The following UIMC1 variants were observed in gnomAD, a reference collection of about 807,000 sequenced individuals.
UIMC1 encodes BRCA1-A complex subunit RAP80.
A neutral mutation model predicts 84.9 loss-of-function variants in UIMC1; 42 were observed. The observed-to-expected ratio is 0.49, with a 90% confidence interval of 0.39 to 0.64. The LOEUF is 0.64. UIMC1 is among the 30% of genes least tolerant of loss of function. The pLI, the probability that UIMC1 is intolerant of heterozygous loss-of-function variation, is 0.00. For synonymous variants in UIMC1, 281 were observed against 293.0 expected (o/e 0.96, Z 0.42); for missense variants, 825 against 847.6 (o/e 0.97, Z 0.33).
chr5:176,928,515 T>C (rs1055051465), intron 10 of UIMC1, among the ~76,000 whole-genome samples: 5 of 152,192 alleles, frequency 3.3e-5, no homozygotes, highest in Non-Finnish European at 7.3e-5. Context: ...CTTCTGTAAA[T>C]TAAAAGAGCC....
At chr5:176,940,588 C>A (rs897525858) in intron 10 of UIMC1, among the ~76,000 whole-genome samples, 10 of 151,702 alleles carry the variant, frequency 6.6e-5, no homozygotes, top group Non-Finnish European at 1.3e-4. Context: ...AAAAAAAAAA[C>A]AATCAGACTA....
At chr5:176,959,532 C>T (rs903538359) in intron 6 of UIMC1, among the ~76,000 whole-genome samples, 5 of 150,512 alleles carry the variant, frequency 3.3e-5, no homozygotes, top group African/African-American at 1.2e-4. Flanking sequence ...CCAGCTAAAA[C>T]GGTGAAACCC....
Position 176,947,484 on chromosome 5 carries a change from A to G in UIMC1, c.1443+3990T>C, listed in dbSNP as rs184381045. 4.7e-4 allele frequency among the ~76,000 whole-genome samples: 71 copies of G among 152,252 alleles called. 1 individual carries two copies. The highest frequency in any genetic ancestry group is 1.5e-3 in the African/African-American group (62 of 41,542). Reference sequence around the variant, plus strand: ...TACATTAGGTGTATCTCCTAATGCTATCCCTCCCCGCTCGCCTTCTACTTC... The same window carrying G: ...TACATTAGGTGTATCTCCTAATGCTGTCCCTCCCCGCTCGCCTTCTACTTC... On this transcript the variant is annotated intron_variant, in intron 9 of 14. Coordinates refer to ENST00000511320, the MANE Select transcript of UIMC1 (RefSeq NM_001199298.2).
chr5:176,947,742 C>T (rs1232713118), intron 9 of UIMC1, among the ~76,000 whole-genome samples: 2 of 151,430 alleles, frequency 1.3e-5, no homozygotes, highest in East Asian at 3.9e-4. Context: ...GATGTGAACC[C>T]GGGAGGTGGA....
intron 6 of UIMC1, among the ~76,000 whole-genome samples, chr5:176,958,822 T>C (rs1766937197): frequency 6.6e-6 from 1 of 152,254 alleles, no homozygotes; most frequent in Non-Finnish European, 1.5e-5. Flanking sequence ...TTTTCATTGA[T>C]TAATGGTAGA....
chr5:176,930,877 T>C (rs762988981), intron 10 of UIMC1, among the ~76,000 whole-genome samples: 3 of 152,230 alleles, frequency 2.0e-5, no homozygotes, highest in Non-Finnish European at 4.4e-5. Context: ...TTCTAGGTAA[T>C]TGAAAATCTG....
intron 2 of UIMC1, among the ~76,000 whole-genome samples, chr5:176,976,718 A>G (rs906231806): frequency 6.6e-6 from 1 of 152,294 alleles, no homozygotes; most frequent in Non-Finnish European, 1.5e-5. Context: ...AGACATGCCC[A>G]GAATGGGCAA....
intron 5 of UIMC1, 23 bp downstream of exon 5, chr5:176,969,578 G>A: frequency 6.2e-7 from 1 of 1,604,232 alleles, no homozygotes; most frequent in Non-Finnish European, 8.5e-7. Context: ...ATGAATGGAA[G>A]GAGTCAGAAC....
rs149923969 is a variant in UIMC1, at chr5:176,992,265, C to T, written c.-8-9642G>A. Among the ~76,000 whole-genome samples the T allele has an allele frequency of 6.2e-4, 95 of 152,116 alleles. 1 individual carries two copies. The East Asian group carries it at 0.017, about 27-fold the overall frequency. ...TAAAATTGGTTTTTTCTGTATCTTCCTTGGAAAAATTTTTATATTTTTTAT... is the reference window on the plus strand; with the variant it reads ...TAAAATTGGTTTTTTCTGTATCTTCTTTGGAAAAATTTTTATATTTTTTAT... On this transcript the variant is annotated intron_variant, in intron 1 of 14. Coordinates refer to ENST00000511320, the MANE Select transcript of UIMC1 (RefSeq NM_001199298.2).
intron 1 of UIMC1, among the ~76,000 whole-genome samples, chr5:177,013,984 A>C (rs1775616991): frequency 6.6e-6 from 1 of 152,148 alleles, no homozygotes. Flanking sequence ...TCCCAGAAGG[A>C]AAGTAGATGT....
At position 177,018,355 on chromosome 5, in the gene UIMC1, A is replaced by AAAAAAAAAAC. The variant is rs547542500; in HGVS notation, c.-9+4108_-9+4109insGTTTTTTTTT. ...ACAGAGTGAGACTCTGTCTCAAAAA[A>AAAAAAAAAAC]AAAAGAAAAGAAAGAAAAACTAGAG... On this transcript the variant is annotated intron_variant, in intron 1 of 5. Coordinates refer to the UIMC1 transcript ENST00000509236. Among the ~76,000 whole-genome samples the AAAAAAAAAAC allele has an allele frequency of 8.5e-3, 1,288 of 151,960 alleles. 7 individuals are homozygous for AAAAAAAAAAC. Among genetic ancestry groups the AAAAAAAAAAC allele is most frequent in the South Asian group, 0.023 (109 of 4,794 alleles).
chr5:176,974,895 C>T (rs1769822854), intron 3 of UIMC1, among the ~76,000 whole-genome samples: 1 of 152,014 alleles, frequency 6.6e-6, no homozygotes, highest in Admixed American at 6.6e-5. Flanking sequence ...GTGGCTGTCA[C>T]CTGTAATCCC....
intron 6 of UIMC1, among the ~76,000 whole-genome samples, chr5:176,965,759 C>A (rs1174887352): frequency 6.6e-6 from 1 of 152,242 alleles, no homozygotes; most frequent in Non-Finnish European, 1.5e-5. Flanking sequence ...AGACCATCCA[C>A]TAGATTTTGA....
intron 9 of UIMC1, among the ~76,000 whole-genome samples, chr5:176,949,704 T>C (rs759688814): frequency 2.6e-5 from 4 of 152,196 alleles, no homozygotes; most frequent in African/African-American, 4.8e-5. Context: ...GCAGAATATT[T>C]ACCCAGTTAC....
chr5:176,952,948 C>T (rs1190538853), intron 8 of UIMC1, among the ~76,000 whole-genome samples: 2 of 152,166 alleles, frequency 1.3e-5, no homozygotes, highest in African/African-American at 4.8e-5. Context: ...CCCCGAACTT[C>T]GTATGTTGAA....
At chr5:177,018,829 T>C (rs1775727345) in intron 1 of UIMC1, among the ~76,000 whole-genome samples, 1 of 152,214 alleles carries the variant, frequency 6.6e-6, no homozygotes, top group Non-Finnish European at 1.5e-5. Context: ...ATGGACATTA[T>C]TTTGAGCATG....
In UIMC1 at chr5:177,012,470, A is replaced by G. The variant is rs73343911; in HGVS notation, c.-9+9994T>C. Among the ~76,000 whole-genome samples the G allele has an allele frequency of 9.0e-3, 1,366 of 152,234 alleles. 20 individuals carry two copies. Among genetic ancestry groups the G allele is most frequent in the African/African-American group, 0.031 (1,277 of 41,554 alleles). ...CCCGGCACTTTGGGAGGCTGGGTGG[A>G]TCACTTGAGGCCAGGGGTTCGTGAC... On this transcript the variant is annotated intron_variant, in intron 1 of 5. Transcript: ENST00000509236.
At position 176,958,147 on chromosome 5, in the gene UIMC1, T is replaced by C; in HGVS notation, c.1208A>G (p.Gln403Arg). The C allele has an allele frequency of 1.2e-6, 2 of 1,613,596 alleles. No individual in the cohort carries two copies. The highest frequency in any genetic ancestry group is 8.5e-7 in the Non-Finnish European group (1 of 1,179,626). Residue 403 changes from glutamine (Q) to arginine (R), a missense_variant, in exon 7 of 15, where the codon CAA (glutamine) becomes CGA (arginine). By Grantham distance (43) the Gln-to-Arg change is conservative. Coordinates refer to ENST00000511320, the MANE Select transcript of UIMC1 (RefSeq NM_001199298.2). ...TTCAGAAGTTTCTTCAACAATCCCT[T>C]GGGAAGACTGCAAAGAAATACGTAG... ...EPTTSHGQSS[Q>R]GIVEETSEEG... is the part of the protein sequence containing the mutation.
chr5:176,978,265 C>T (rs1389862007), intron 2 of UIMC1, among the ~76,000 whole-genome samples: 1 of 151,828 alleles, frequency 6.6e-6, no homozygotes, highest in African/African-American at 2.4e-5. Flanking sequence ...CCCAGCTACT[C>T]GCGAGGCTGA....
Sources: allele counts gnomAD v4.1 joint callset (sites outside exome capture counted in the v4.1 genomes callset), GRCh38; gene constraint gnomAD v4.1.1; transcripts MANE v1.5; gene names NCBI Gene and HGNC (gene_info 2026-07-23, HGNC 2026-07-21).